CACNA1B: variants seen among roughly 807,000 people sequenced by gnomAD.
The protein encoded by CACNA1B is voltage-dependent N-type calcium channel subunit alpha-1B.
In CACNA1B, 70 loss-of-function variants were observed where a neutral mutation model predicts 247.2. That is an observed-to-expected ratio of 0.28 (90% CI 0.23 to 0.35). CACNA1B has a LOEUF of 0.35. CACNA1B is among the 10% of genes least tolerant of loss of function. The probability of loss-of-function intolerance (pLI) is 1.00; values close to 1 mark genes in which losing one functional copy is unlikely to be tolerated. For synonymous variants in CACNA1B, 1,231 were observed against 1,294.4 expected, an observed-to-expected ratio of 0.95 and a Z score of 1.05; for missense variants, 2,367 against 3,197.4, an observed-to-expected ratio of 0.74 and a Z score of 6.26.
chr9:138,114,354 C>T, intron 40 of CACNA1B, 24 bp from the exon 41 acceptor site: 6 of 1,250,810 alleles, frequency 4.8e-6, no homozygotes, highest in Non-Finnish European at 6.9e-6. Context: ...TTCTCCGAAT[C>T]TCAACTCCTG....
rs1368814849 is a variant in CACNA1B at position 138,102,627 on chromosome 9, G to A, written c.5223-84G>A. 7 of 391,174 alleles carry A rather than the reference G, an allele frequency of 1.8e-5. No individual in the cohort carries two copies. The highest frequency in any genetic ancestry group is 3.0e-5 in the Non-Finnish European group (6 of 199,822). The allele number at this position is 391,174 out of a possible 1,614,324, so 24.2% of individuals were successfully genotyped here. A position where few individuals can be genotyped will look rare whatever the true frequency, so the allele number is the denominator to read the frequency against. ...TCTGCTTCCTCCCTGCCCCTACCCC[G>A]CTCCCCTCCCCGCTCCCCTCCTGCT... On this transcript the variant is annotated intron_variant, in intron 37 of 46. Transcript: ENST00000371372. This position sits in a 1 kb window ranked among gnomAD's most constrained non-coding sequence, Gnocchi z 5.4.
At chr9:137,887,134 G>A (rs1588979832) in intron 3 of CACNA1B, among the ~76,000 whole-genome samples, 2 of 152,142 alleles carry the variant, frequency 1.3e-5, no homozygotes, top group African/African-American at 4.8e-5. Flanking sequence ...TGGCGTAGAC[G>A]GTGTTCTAGG....
intron 36 of CACNA1B, among the ~76,000 whole-genome samples, chr9:138,093,763 T>C (rs1291433121): frequency 1.3e-5 from 2 of 151,940 alleles, no homozygotes; most frequent in African/African-American, 4.8e-5. Flanking sequence ...ATAAATTAAT[T>C]AAATTAATTA....
At chr9:138,079,953 G>A (rs956981759) in intron 36 of CACNA1B, among the ~76,000 whole-genome samples, 12 of 151,974 alleles carry the variant, frequency 7.9e-5, no homozygotes, top group Admixed American at 2.6e-4. Context: ...TCGTTCCTCC[G>A]TCAGCGTAGT....
At chr9:138,044,278 A>C (rs1053730637) in intron 21 of CACNA1B, among the ~76,000 whole-genome samples, 1 of 152,198 alleles carries the variant, frequency 6.6e-6, no homozygotes, top group Non-Finnish European at 1.5e-5. Flanking sequence ...TTGCATGTCT[A>C]TCCGTGTGTC....
At chr9:137,922,567 G>C (rs561775181) in intron 6 of CACNA1B, among the ~76,000 whole-genome samples, 1 of 152,320 alleles carries the variant, frequency 6.6e-6, no homozygotes, top group South Asian at 2.1e-4. Flanking sequence ...CCTGGAATGC[G>C]TGGGTTACAG....
At position 137,973,670 on chromosome 9, in the gene CACNA1B, G is replaced by A. The variant is rs1250874545; in HGVS notation, c.1543+2078G>A. 6.6e-6 allele frequency among the ~76,000 whole-genome samples: 1 copy of A among 152,164 alleles called. No homozygotes were observed. The highest frequency in any genetic ancestry group is 2.4e-5 in the African/African-American group (1 of 41,426). ...CAGCTTGTGAACTCCTGGGGAGAAGGGTGAACTCTGTCCCCATGCTGGCTC... is the reference window on the plus strand; with the variant it reads ...CAGCTTGTGAACTCCTGGGGAGAAGAGTGAACTCTGTCCCCATGCTGGCTC... On this transcript the variant is annotated intron_variant, in intron 11 of 46. Coordinates refer to ENST00000371372, the MANE Select transcript of CACNA1B (RefSeq NM_000718.4). This position sits in a 1 kb window ranked among gnomAD's most constrained non-coding sequence, Gnocchi z 4.1.
intron 6 of CACNA1B, among the ~76,000 whole-genome samples, chr9:137,937,104 T>C (rs1341405586): frequency 2.0e-5 from 3 of 152,218 alleles, no homozygotes; most frequent in African/African-American, 7.2e-5. Flanking sequence ...TGATTCTTCC[T>C]ATCCACAAGC....
At chr9:138,089,775 C>T (rs937890795) in intron 36 of CACNA1B, among the ~76,000 whole-genome samples, 3 of 152,180 alleles carry the variant, frequency 2.0e-5, no homozygotes, top group African/African-American at 2.4e-5. Flanking sequence ...CCTTAGAACT[C>T]ATAAAGTAAT....
chr9:138,031,873 C>G (rs1958991717), intron 20 of CACNA1B, among the ~76,000 whole-genome samples: 1 of 152,116 alleles, frequency 6.6e-6, no homozygotes, highest in Admixed American at 6.5e-5. Context: ...CAACCTTTTG[C>G]TTTCAACCTA....
chr9:137,972,031 G>T (rs181987686), intron 11 of CACNA1B, among the ~76,000 whole-genome samples: 24 of 152,242 alleles, frequency 1.6e-4, no homozygotes, highest in African/African-American at 5.3e-4. Context: ...GGTTCCTGAG[G>T]GGGGAGTCCT....
intron 21 of CACNA1B, among the ~76,000 whole-genome samples, 177 bp downstream of exon 21, chr9:138,044,077 C>G (rs933472087): frequency 2.0e-5 from 3 of 152,226 alleles, no homozygotes; most frequent in Admixed American, 1.3e-4. Context: ...CAGAAGAGGA[C>G]ACGGGCACAG....
In CACNA1B at chr9:138,072,005, C is replaced by T. The variant is rs980143324; in HGVS notation, c.4675-1483C>T. Among the ~76,000 whole-genome samples the T allele has an allele frequency of 6.6e-6, 1 of 152,090 alleles. No individual in the cohort carries two copies. The highest frequency in any genetic ancestry group is 1.5e-5 in the Non-Finnish European group (1 of 68,014). ...GATGGCTGGCTTCTCTGTGGGTCCTCGTGGCCCAGAGTTCTTGGCCATCTT... is the reference window on the plus strand; with the variant it reads ...GATGGCTGGCTTCTCTGTGGGTCCTTGTGGCCCAGAGTTCTTGGCCATCTT... On this transcript the variant is annotated intron_variant, in intron 32 of 46. Coordinates refer to ENST00000371372, the MANE Select transcript of CACNA1B (RefSeq NM_000718.4). This position sits in a 1 kb window ranked among gnomAD's most constrained non-coding sequence, Gnocchi z 4.5.
chr9:137,950,969 G>T lies in CACNA1B; in HGVS notation c.967-1305G>T, dbSNP rs901491929. 5.9e-5 allele frequency among the ~76,000 whole-genome samples: 9 copies of T among 152,356 alleles called. No individual in the cohort carries two copies. The highest frequency in any genetic ancestry group is 2.0e-4 in the Admixed American group (3 of 15,298). On this transcript the variant is annotated intron_variant, in intron 6 of 46. Coordinates refer to ENST00000371372, the MANE Select transcript of CACNA1B (RefSeq NM_000718.4). The surrounding 1 kb of genome is among the most constrained non-coding windows in gnomAD (Gnocchi z 4.8). ...GAGGAATTAGAGCCAGTTGGCTACTGATGGGAACACTCCACTGGGGAGGGA... is the reference window on the plus strand; with the variant it reads ...GAGGAATTAGAGCCAGTTGGCTACTTATGGGAACACTCCACTGGGGAGGGA...
intron 3 of CACNA1B, among the ~76,000 whole-genome samples, chr9:137,911,239 C>T (rs117925844): frequency 6.6e-6 from 1 of 152,026 alleles, no homozygotes; most frequent in Admixed American, 6.6e-5. Context: ...ACCTTTTCTA[C>T]CTGTTTTTGT....
chr9:138,089,790 T>C (rs1960818880), intron 36 of CACNA1B, among the ~76,000 whole-genome samples: 1 of 152,110 alleles, frequency 6.6e-6, no homozygotes, highest in Non-Finnish European at 1.5e-5. Context: ...AGTAATTCAG[T>C]AAAATCAATG....
At chr9:138,111,953 T>A (rs1019491490) in intron 39 of CACNA1B, among the ~76,000 whole-genome samples, 1 of 146,486 alleles carries the variant, frequency 6.8e-6, no homozygotes, top group Non-Finnish European at 1.5e-5. Flanking sequence ...TTTTTTTTTT[T>A]ACTTATTACT....
intron 35 of CACNA1B, among the ~76,000 whole-genome samples, chr9:138,077,894 G>C (rs930402349): frequency 2.6e-5 from 4 of 152,218 alleles, no homozygotes; most frequent in African/African-American, 9.6e-5. Flanking sequence ...TGGTGCCGTA[G>C]ATAATTTTTA....
intron 31 of CACNA1B, 141 bp from the exon 32 acceptor site, chr9:138,069,617 C>T: frequency 1.5e-6 from 1 of 672,860 alleles, no homozygotes; most frequent in East Asian, 2.7e-5. Flanking sequence ...TTTACCTTAA[C>T]CTACCTGCTG....
Sources: allele counts gnomAD v4.1 joint callset (sites outside exome capture counted in the v4.1 genomes callset), GRCh38; gene constraint gnomAD v4.1.1; non-coding constraint Gnocchi (gnomAD v3.1); transcripts MANE v1.5; gene names NCBI Gene and HGNC (gene_info 2026-07-23, HGNC 2026-07-21).